Variants in CDH12 observed in about 807,000 individuals in gnomAD.
CDH12 encodes cadherin-12.
In CDH12, 41 loss-of-function variants were observed where a neutral mutation model predicts 74.1. That is an observed-to-expected ratio of 0.55 (90% CI 0.43 to 0.72). The LOEUF (loss-of-function observed/expected upper bound fraction) is 0.72. Ranked by LOEUF, CDH12 falls within the 30% of genes least tolerant of loss-of-function variation. The pLI is 0.00. For missense variants in CDH12, 945 were observed against 977.2 expected (o/e 0.97, Z 0.44); for synonymous variants, 399 against 355.0 (o/e 1.12, Z -1.39).
intron 6 of CDH12, among the ~76,000 whole-genome samples, chr5:21,880,533 CT>C (rs1367683580): frequency 1.1e-4 from 2 of 17,852 alleles, no homozygotes; most frequent in Non-Finnish European, 3.0e-4. Context: ...TTTCTTCCTT[CT>C]TTTCCTTCCT....
At chr5:22,640,100 CA>C (rs1195969194) in intron 1 of CDH12, among the ~76,000 whole-genome samples, 1 of 152,116 alleles carries the variant, frequency 6.6e-6, no homozygotes, top group Admixed American at 6.5e-5. Context: ...TGATGATTTG[CA>C]GCCAACAGTC....
intron 7 of CDH12, among the ~76,000 whole-genome samples, chr5:21,853,395 T>C (rs1750578058): frequency 6.6e-6 from 1 of 151,554 alleles, no homozygotes; most frequent in Non-Finnish European, 1.5e-5. Context: ...ACTGATGCTG[T>C]CCTTATTAAA....
At chr5:22,781,507 C>A (rs754448227) in intron 1 of CDH12, among the ~76,000 whole-genome samples, 4 of 152,124 alleles carry the variant, frequency 2.6e-5, no homozygotes, top group Non-Finnish European at 5.9e-5. Context: ...CACCACAGGA[C>A]TCTTATTTCT....
At chr5:22,810,860 C>A (rs145663303) in intron 1 of CDH12, among the ~76,000 whole-genome samples, 83 of 151,990 alleles carry the variant, frequency 5.5e-4, no homozygotes, top group Non-Finnish European at 1.0e-3. Flanking sequence ...CCAGCCTGGG[C>A]AACAGAGTAA....
intron 11 of CDH12, 82 bp from the exon 12 acceptor site, chr5:21,765,181 T>TA (rs1436718705): frequency 1.2e-5 from 14 of 1,176,804 alleles, no homozygotes; most frequent in Non-Finnish European, 1.6e-5. Context: ...TTTACATTTT[T>TA]AAAAATCAGC....
chr5:21,915,822 C>CTGTGTATG (rs1554043854), intron 6 of CDH12, among the ~76,000 whole-genome samples: 1 of 140,044 alleles, frequency 7.1e-6, no homozygotes, highest in African/African-American at 2.7e-5. Context: ...ATCATTTGTG[C>CTGTGTATG]TGTGTGTGTG....
At chr5:22,288,220 C>T (rs1324777328) in intron 3 of CDH12, among the ~76,000 whole-genome samples, 1 of 152,162 alleles carries the variant, frequency 6.6e-6, no homozygotes, top group Non-Finnish European at 1.5e-5. Context: ...CTGAACCTTA[C>T]TTATCTTCAC....
At chr5:21,969,062 G>A (rs1187781788) in intron 6 of CDH12, among the ~76,000 whole-genome samples, 3 of 151,550 alleles carry the variant, frequency 2.0e-5, no homozygotes, top group Non-Finnish European at 2.9e-5. Context: ...GTTGATAGGT[G>A]CAGCAAACCA....
chr5:22,506,944 C>T (rs1212309648), intron 1 of CDH12, among the ~76,000 whole-genome samples: 2 of 152,034 alleles, frequency 1.3e-5, no homozygotes, highest in East Asian at 1.9e-4. Context: ...ATTAAAACCA[C>T]ATTTTTCATT....
chr5:21,977,165 G>A (rs575485105), intron 5 of CDH12, among the ~76,000 whole-genome samples: 1 of 151,984 alleles, frequency 6.6e-6, no homozygotes, highest in Non-Finnish European at 1.5e-5. Flanking sequence ...GCAACAATAA[G>A]AGGGAACAAG....
chr5:22,029,473 A>C (rs1322374701), intron 5 of CDH12, among the ~76,000 whole-genome samples: 1 of 151,208 alleles, frequency 6.6e-6, no homozygotes, highest in East Asian at 1.9e-4. Context: ...GACACTTCTC[A>C]AAAGAAGACA....
At chr5:22,455,553 C>A in intron 2 of CDH12, among the ~76,000 whole-genome samples, 1 of 152,054 alleles carries the variant, frequency 6.6e-6, no homozygotes, top group East Asian at 1.9e-4. Context: ...CATTTGAGAA[C>A]CATGATGTAA....
chr5:21,929,730 C>T (rs1296835080), intron 6 of CDH12, among the ~76,000 whole-genome samples: 1 of 152,042 alleles, frequency 6.6e-6, no homozygotes, highest in East Asian at 1.9e-4. Flanking sequence ...GTTGCCCAGG[C>T]TGGTCTTGAA....
At chr5:22,403,363 C>G (rs1561377131) in intron 3 of CDH12, among the ~76,000 whole-genome samples, 1 of 152,100 alleles carries the variant, frequency 6.6e-6, no homozygotes, top group Non-Finnish European at 1.5e-5. Flanking sequence ...GCTTTTGCAC[C>G]AAAGGAGTCT....
chr5:22,227,705 C>A (rs1381339994), intron 3 of CDH12, among the ~76,000 whole-genome samples: 4 of 152,064 alleles, frequency 2.6e-5, no homozygotes, highest in Admixed American at 2.6e-4. Flanking sequence ...TAAAACAAAA[C>A]CTGTGGAAAG....
At chr5:22,160,702 GCTGTGTC>G (rs1456690679) in intron 4 of CDH12, among the ~76,000 whole-genome samples, 1 of 152,020 alleles carries the variant, frequency 6.6e-6, no homozygotes, top group African/African-American at 2.4e-5. Flanking sequence ...ACACCTTTTG[GCTGTGTC>G]CTGTGTTCTC....
intron 6 of CDH12, among the ~76,000 whole-genome samples, chr5:21,933,114 C>A (rs1260961793): frequency 6.6e-6 from 1 of 151,962 alleles, no homozygotes; most frequent in Non-Finnish European, 1.5e-5. Flanking sequence ...TCTTGACACA[C>A]ACGAGAGTTT....
intron 3 of CDH12, among the ~76,000 whole-genome samples, chr5:22,306,115 G>A (rs963277277): frequency 6.6e-6 from 1 of 152,108 alleles, no homozygotes; most frequent in African/African-American, 2.4e-5. Context: ...TCTTTCTTCT[G>A]ATACAAATGT....
chr5:21,937,195 A>G lies in CDH12; in HGVS notation c.526+37896T>C, dbSNP rs187004407. Among the ~76,000 whole-genome samples the G allele has an allele frequency of 6.8e-4, 103 of 152,288 alleles. 1 individual carries two copies. The highest frequency in any genetic ancestry group is 2.3e-3 in the African/African-American group (97 of 41,576). ...TGGAACAGGTACATAATAGGACAAT[A>G]TGGGAGAATAATTAAAGAAGTCCTG... On this transcript the variant is annotated intron_variant, in intron 6 of 14. Coordinates refer to ENST00000382254, the MANE Select transcript of CDH12 (RefSeq NM_004061.5).
Sources: allele counts gnomAD v4.1 joint callset (sites outside exome capture counted in the v4.1 genomes callset), GRCh38; gene constraint gnomAD v4.1.1; transcripts MANE v1.5; gene names NCBI Gene and HGNC (gene_info 2026-07-23, HGNC 2026-07-21).